GPC6: variants seen among roughly 807,000 people sequenced by gnomAD.
GPC6 encodes the protein glypican-6.
A neutral mutation model predicts 55.2 loss-of-function variants in GPC6; 14 were observed. The ratio of observed to expected loss-of-function variants is 0.25; its 90% CI spans 0.17 to 0.40. The LOEUF (loss-of-function observed/expected upper bound fraction) is 0.40, where lower values mean the gene tolerates loss of function less well. Ranked by LOEUF, GPC6 falls within the 10% of genes least tolerant of loss-of-function variation. GPC6 has a pLI of 1.00. For missense variants in GPC6, 641 were observed against 708.5 expected, an observed-to-expected ratio of 0.90 and a Z score of 1.08; for synonymous variants, 278 against 259.6, an observed-to-expected ratio of 1.07 and a Z score of -0.68.
chr13:93,314,763 A>G (rs7320636), intron 1 of GPC6, among the ~76,000 whole-genome samples: 92,111 of 150,530 alleles, frequency 0.61, 28,342 homozygotes, highest in East Asian at 0.77. Flanking sequence ...GTGTGCACGC[A>G]TGTGCTGAGA....
intron 3 of GPC6, among the ~76,000 whole-genome samples, chr13:93,957,078 A>C (rs774971720): frequency 1.3e-5 from 2 of 152,314 alleles, no homozygotes; most frequent in South Asian, 2.1e-4. Flanking sequence ...CTCAAGCATT[A>C]AGTATTGTAA....
chr13:94,238,876 G>A (rs1024819221), intron 4 of GPC6, among the ~76,000 whole-genome samples: 12 of 152,074 alleles, frequency 7.9e-5, no homozygotes, highest in Non-Finnish European at 1.0e-4. Flanking sequence ...ACAGATAAAC[G>A]TAGATTGCTG....
At chr13:94,225,855 A>C (rs180915182) in intron 4 of GPC6, among the ~76,000 whole-genome samples, 1 of 152,142 alleles carries the variant, frequency 6.6e-6, no homozygotes, top group South Asian at 2.1e-4. Flanking sequence ...CTTACAGAAC[A>C]TATTACCATA....
intron 3 of GPC6, among the ~76,000 whole-genome samples, chr13:93,904,155 A>G (rs1266999396): frequency 1.3e-5 from 2 of 152,176 alleles, no homozygotes; most frequent in African/African-American, 4.8e-5. Context: ...GCACAGCCAC[A>G]GAATCCTGGG....
intron 2 of GPC6, among the ~76,000 whole-genome samples, chr13:93,793,940 TTATC>T (rs1886123533): frequency 6.6e-6 from 1 of 152,196 alleles, no homozygotes; most frequent in Non-Finnish European, 1.5e-5. Context: ...ACAAATGTCT[TTATC>T]TGTCTATTAA....
intron 2 of GPC6, among the ~76,000 whole-genome samples, chr13:93,633,520 G>A (rs1879561761): frequency 6.6e-6 from 1 of 151,606 alleles, no homozygotes; most frequent in Admixed American, 6.6e-5. Context: ...GTGGTAGCTG[G>A]GACTACTCTG....
chr13:93,336,649 A>G (rs1403876727), intron 1 of GPC6, among the ~76,000 whole-genome samples: 7 of 152,200 alleles, frequency 4.6e-5, no homozygotes, highest in Admixed American at 2.6e-4. Flanking sequence ...ATTGCAGCAC[A>G]AGTTCTTTTT....
intron 2 of GPC6, among the ~76,000 whole-genome samples, chr13:93,764,060 C>T (rs1885036688): frequency 6.6e-6 from 1 of 152,128 alleles, no homozygotes; most frequent in African/African-American, 2.4e-5. Flanking sequence ...CCCTGCCAAT[C>T]ACCTAAGCAC....
chr13:94,136,059 T>G (rs1593972125), intron 4 of GPC6, among the ~76,000 whole-genome samples: 1 of 152,170 alleles, frequency 6.6e-6, no homozygotes. Context: ...GTAACCAAAT[T>G]GTATTGTCAT....
intron 1 of GPC6, among the ~76,000 whole-genome samples, chr13:93,522,754 C>A (rs993968841): frequency 6.6e-6 from 1 of 151,792 alleles, no homozygotes; most frequent in Non-Finnish European, 1.5e-5. Flanking sequence ...GGCTAAAATC[C>A]GGAGGCATTT....
At chr13:93,550,721 G>GA (rs1875104050) in intron 2 of GPC6, among the ~76,000 whole-genome samples, 1 of 151,902 alleles carries the variant, frequency 6.6e-6, no homozygotes, top group South Asian at 2.1e-4. Flanking sequence ...ATTTGAAAAG[G>GA]AAAAAACCCT....
chr13:94,349,531 TG>T (rs1263555927), intron 6 of GPC6, among the ~76,000 whole-genome samples: 1 of 152,204 alleles, frequency 6.6e-6, no homozygotes, highest in African/African-American at 2.4e-5. Context: ...TCAAGTTCAA[TG>T]TCTCTATAAT....
At chr13:93,488,733 T>G (rs1879832809) in intron 1 of GPC6, among the ~76,000 whole-genome samples, 1 of 152,190 alleles carries the variant, frequency 6.6e-6, no homozygotes, top group Non-Finnish European at 1.5e-5. Flanking sequence ...ATGATGAGCA[T>G]TTTTTCATGT....
Position 94,403,090 on chromosome 13 carries a change from C to A in GPC6, c.1541C>A (p.Thr514Asn). Residue 514 changes from threonine (T) to asparagine (N), a missense_variant, in exon 9 of 9, where the codon ACC (threonine) becomes AAC (asparagine). Coordinates refer to ENST00000377047, the MANE Select transcript of GPC6 (RefSeq NM_005708.5). ...DVCPTEFEFV[T>N]TEAPAVDPDR... ...TGTCCCACGGAGTTTGAGTTTGTCA[C>A]CACAGAGGCCCCCGCAGTGGATCCC... 1 of 1,613,770 alleles carries A rather than the reference C, an allele frequency of 6.2e-7. No individual in the cohort carries two copies. Among genetic ancestry groups the A allele is most frequent in the Non-Finnish European group, 8.5e-7 (1 of 1,179,634 alleles).
intron 1 of GPC6, among the ~76,000 whole-genome samples, chr13:93,301,827 C>A (rs1259684348): frequency 6.6e-6 from 1 of 152,072 alleles, no homozygotes; most frequent in Non-Finnish European, 1.5e-5. Flanking sequence ...AGCTGGGATC[C>A]AACACCAACT....
chr13:93,291,624 G>A (rs1878322154), intron 1 of GPC6, among the ~76,000 whole-genome samples: 1 of 152,062 alleles, frequency 6.6e-6, no homozygotes, highest in South Asian at 2.1e-4. Flanking sequence ...CATCGCCTGA[G>A]TATTTTAATC....
chr13:94,229,425 A>G (rs1890653119), intron 4 of GPC6, among the ~76,000 whole-genome samples: 2 of 152,162 alleles, frequency 1.3e-5, no homozygotes, highest in African/African-American at 2.4e-5. Context: ...TTGGCATCCA[A>G]CCATTAATAT....
chr13:93,876,719 C>G lies in GPC6; in HGVS notation c.711+46174C>G, dbSNP rs115579175. 5.7e-3 allele frequency among the ~76,000 whole-genome samples: 872 copies of G among 152,140 alleles called. 14 individuals are homozygous for G. The highest frequency in any genetic ancestry group is 0.02 in the African/African-American group (839 of 41,534). ...CTTAAAAGAAAAGAGATTCTTTCTT[C>G]TAGAATTATCCAGGAAGAATTTTTT... On this transcript the variant is annotated intron_variant, in intron 3 of 8. Transcript: ENST00000377047.
chr13:93,226,883 C>T lies in GPC6; in HGVS notation c.-574C>T, dbSNP rs540199047. The T allele has an allele frequency of 1.3e-5, 2 of 152,692 alleles. No homozygotes were observed. The highest frequency in any genetic ancestry group is 4.2e-4 in the South Asian group (2 of 4,816). The allele number at this position is 152,692 out of a possible 1,614,324, so 9.5% of individuals were successfully genotyped here. A position where few individuals can be genotyped will look rare whatever the true frequency, so the allele number is the denominator to read the frequency against. On this transcript the variant is annotated 5_prime_UTR_variant, in exon 1 of 9. Coordinates refer to ENST00000377047, the MANE Select transcript of GPC6 (RefSeq NM_005708.5). ...CCTATTTCAGGAGGACTCTCACAGG[C>T]TCCCACAGCCTGTGTTAAGCTGAGG... is the stretch of plus-strand genomic sequence containing the variant.
Sources: gnomAD v4.1 joint callset for allele counts (sites outside exome capture counted in the v4.1 genomes callset) on GRCh38, gnomAD v4.1.1 for gene constraint, MANE v1.5 for transcripts, NCBI Gene and HGNC (gene_info 2026-07-23, HGNC 2026-07-21) for gene names.